Variants in SH3D19 observed in about 807,000 individuals in gnomAD.
SH3D19 encodes SH3 domain containing 19, also known as SH3 domain-containing protein 19.
In SH3D19, 58 loss-of-function variants were observed where a neutral mutation model predicts 112.1. The ratio of observed to expected loss-of-function variants is 0.52; its 90% CI spans 0.42 to 0.64. SH3D19 has a LOEUF of 0.64. Ranked by LOEUF, SH3D19 falls within the 30% of genes least tolerant of loss-of-function variation. The pLI is 0.00. For synonymous variants in SH3D19, 391 were observed against 448.5 expected (o/e 0.87, Z 1.62); for missense variants, 1,090 against 1,263.4 (o/e 0.86, Z 2.08).
chr4:151,209,149 C>T (rs1304071341), intron 2 of SH3D19, among the ~76,000 whole-genome samples: 2 of 152,096 alleles, frequency 1.3e-5, no homozygotes, highest in African/African-American at 4.8e-5. Flanking sequence ...CCAGGGAACC[C>T]AGCTCCCAAG....
intron 1 of SH3D19, among the ~76,000 whole-genome samples, chr4:151,237,670 G>A (rs982240826): frequency 2.0e-5 from 3 of 152,060 alleles, no homozygotes; most frequent in Admixed American, 6.6e-5. Flanking sequence ...AATGAATAAA[G>A]GTACACAAAG....
chr4:151,284,439 T>C (rs1018891501), intron 1 of SH3D19, among the ~76,000 whole-genome samples: 4 of 152,230 alleles, frequency 2.6e-5, no homozygotes, highest in Admixed American at 2.6e-4. Flanking sequence ...CATCCACATA[T>C]ACTTTCTACA....
chr4:151,127,800 C>T lies in SH3D19; in HGVS notation c.2930-85G>A, dbSNP rs979307065. On this transcript the variant is annotated intron_variant, in intron 18 of 19. Coordinates refer to ENST00000604030, the MANE Select transcript of SH3D19 (RefSeq NM_001378122.1). ...ACATTTTTTAAAAAAAAACGCTTATCGCTCTAAAAACACAGTATCTTCTCT... is the reference window on the plus strand; with the variant it reads ...ACATTTTTTAAAAAAAAACGCTTATTGCTCTAAAAACACAGTATCTTCTCT... The T allele has an allele frequency of 2.9e-5, 21 of 717,742 alleles. 1 individual carries two copies. Among genetic ancestry groups the T allele is most frequent in the African/African-American group, 3.7e-5 (2 of 53,870 alleles). 44.5% of individuals were successfully genotyped at this position (717,742 alleles called of 1,614,324 possible).
At chr4:151,148,288 C>CAG (rs1554036995) in intron 10 of SH3D19, 102 bp from the exon 11 acceptor site, 35 of 824,150 alleles carry the variant, frequency 4.2e-5, no homozygotes, top group Non-Finnish European at 5.7e-5. Flanking sequence ...CACACACACA[C>CAG]AGAGACACAG....
intron 3 of SH3D19, among the ~76,000 whole-genome samples, chr4:151,181,890 A>G (rs889066733): frequency 6.6e-6 from 1 of 152,210 alleles, no homozygotes; most frequent in African/African-American, 2.4e-5. Context: ...TTGATGATCC[A>G]CAGATTCAGA....
At chr4:151,309,195 T>C (rs1178416112) in intron 1 of SH3D19, among the ~76,000 whole-genome samples, 1 of 152,234 alleles carries the variant, frequency 6.6e-6, no homozygotes, top group Non-Finnish European at 1.5e-5. Context: ...TCAACTTACA[T>C]GTATATCCTT....
In SH3D19 at chr4:151,154,386, G is replaced by C. The variant is rs541365441; in HGVS notation, c.1756-4825C>G. Among the ~76,000 whole-genome samples the C allele has an allele frequency of 4.6e-5, 7 of 150,596 alleles. No individual in the cohort carries two copies. The South Asian group carries it at 1.5e-3, about 31-fold the overall frequency. Reference sequence around the variant, plus strand: ...CGACCTCAGGCGATCCGCCCGCCTTGGCCTCCCAAAGTGCTGGGATTACAG... The same window carrying C: ...CGACCTCAGGCGATCCGCCCGCCTTCGCCTCCCAAAGTGCTGGGATTACAG... On this transcript the variant is annotated intron_variant, in intron 9 of 19. Transcript: ENST00000604030.
intron 1 of SH3D19, among the ~76,000 whole-genome samples, chr4:151,286,448 C>G (rs6535784): frequency 0.8 from 120,989 of 151,064 alleles, 51,536 homozygotes; most frequent in Non-Finnish European, 0.96. Flanking sequence ...GAATTTGTAA[C>G]ACACTACTAT....
intron 1 of SH3D19, among the ~76,000 whole-genome samples, chr4:151,271,006 C>T (rs1308083322): frequency 6.6e-6 from 1 of 152,120 alleles, no homozygotes. Flanking sequence ...CCACTGCAGT[C>T]TCAACCTCTC....
At chr4:151,152,378 G>A (rs1755199341) in intron 9 of SH3D19, among the ~76,000 whole-genome samples, 1 of 152,078 alleles carries the variant, frequency 6.6e-6, no homozygotes, top group Non-Finnish European at 1.5e-5. Context: ...AATGTGTTTG[G>A]ACAAGCATTT....
At chr4:151,256,462 A>G (rs62328351) in intron 1 of SH3D19, among the ~76,000 whole-genome samples, 52,371 of 151,818 alleles carry the variant, frequency 0.34, 10,163 homozygotes, top group Non-Finnish European at 0.46. Flanking sequence ...AAATACTTCA[A>G]TTAAATTAGT....
chr4:151,268,059 G>A (rs917954839), intron 1 of SH3D19, among the ~76,000 whole-genome samples: 8 of 152,112 alleles, frequency 5.3e-5, no homozygotes, highest in South Asian at 4.1e-4. Flanking sequence ...AGGTGATTTC[G>A]TCATTGTGTG....
chr4:151,175,522 G>C lies in SH3D19; in HGVS notation c.682C>G (p.Pro228Ala), dbSNP rs1176719314. ...GGTCTGAGGTTGCTTTTTGATCTTGGTTTTGGCACTGGACATCTTGTAGCA... is the reference window on the plus strand; with the variant it reads ...GGTCTGAGGTTGCTTTTTGATCTTGCTTTTGGCACTGGACATCTTGTAGCA... ...PSATRCPVPK[P>A]RSKSNLRPIP... The change falls in exon 7 of 20, where the codon CCA becomes GCA. Residue 228 changes from proline to alanine, a missense_variant. Physicochemically the swap from Pro to Ala is conservative, Grantham distance 27 (BLOSUM62 -1). Coordinates refer to ENST00000604030, the MANE Select transcript of SH3D19 (RefSeq NM_001378122.1). 1 of 1,402,648 alleles carries C rather than the reference G, an allele frequency of 7.1e-7. No homozygotes were observed. The highest frequency in any genetic ancestry group is 2.6e-5 in the East Asian group (1 of 38,428). 86.9% of individuals were successfully genotyped at this position (1,402,648 alleles called of 1,614,324 possible).
chr4:151,245,395 C>CTCCT (rs1770870066), intron 1 of SH3D19, among the ~76,000 whole-genome samples: 1 of 151,988 alleles, frequency 6.6e-6, no homozygotes, highest in Admixed American at 6.6e-5. Context: ...GGAAAAGGGA[C>CTCCT]TCCTCCCTTA....
chr4:151,197,713 G>A (rs1317244216), intron 2 of SH3D19, among the ~76,000 whole-genome samples: 1 of 151,338 alleles, frequency 6.6e-6, no homozygotes, highest in South Asian at 2.1e-4. Context: ...TGAGAAACAT[G>A]ATTTTGTCTC....
At chr4:151,314,391 T>C (rs558416000) in intron 1 of SH3D19, among the ~76,000 whole-genome samples, 14 of 152,280 alleles carry the variant, frequency 9.2e-5, no homozygotes, top group African/African-American at 3.4e-4. Flanking sequence ...ACATGAACAC[T>C]TGAAGTTTAC....
At chr4:151,258,444 TA>T (rs1025805316) in intron 1 of SH3D19, among the ~76,000 whole-genome samples, 12 of 152,156 alleles carry the variant, frequency 7.9e-5, no homozygotes, top group African/African-American at 2.9e-4. Flanking sequence ...AGGGGAGAAT[TA>T]AATGGGCACA....
intron 12 of SH3D19, among the ~76,000 whole-genome samples, chr4:151,141,779 T>C (rs1264561509): frequency 6.6e-6 from 1 of 152,244 alleles, no homozygotes; most frequent in Non-Finnish European, 1.5e-5. Context: ...TAGATGCCTA[T>C]CCATTTGGAA....
chr4:151,188,251 G>A (rs1005003112), intron 2 of SH3D19, among the ~76,000 whole-genome samples: 6 of 152,162 alleles, frequency 3.9e-5, no homozygotes, highest in African/African-American at 1.4e-4. Context: ...TAAGCTCTAG[G>A]AGGTCTCTGA....
Sources: gnomAD v4.1 joint callset for allele counts (sites outside exome capture counted in the v4.1 genomes callset) on GRCh38, gnomAD v4.1.1 for gene constraint, MANE v1.5 for transcripts, NCBI Gene and HGNC (gene_info 2026-07-23, HGNC 2026-07-21) for gene names.